RBFOX1: variants seen among roughly 807,000 people sequenced by gnomAD.
RBFOX1 encodes the protein RNA binding protein fox-1 homolog 1.
A neutral mutation model predicts 57.7 loss-of-function variants in RBFOX1; 8 were observed. The observed-to-expected ratio is 0.14, with a 90% CI of 0.08 to 0.25. The LOEUF is 0.25. RBFOX1 is among the 10% of genes least tolerant of loss of function. The pLI, the probability that RBFOX1 is intolerant of heterozygous loss-of-function variation, is 1.00. For missense variants in RBFOX1, 611 were observed against 548.5 expected, an observed-to-expected ratio of 1.11 and a Z score of -1.14; for synonymous variants, 326 against 222.4, an observed-to-expected ratio of 1.47 and a Z score of -4.15.
chr16:7,097,167 T>A (rs758329010), intron 4 of RBFOX1, among the ~76,000 whole-genome samples: 21 of 152,048 alleles, frequency 1.4e-4, no homozygotes, highest in Non-Finnish European at 2.5e-4. Flanking sequence ...CGAGCAAGAC[T>A]TTTCCAAGAA....
intron 11 of RBFOX1, 32 bp downstream of exon 11, chr16:7,630,715 G>A: frequency 1.2e-6 from 2 of 1,612,798 alleles, no homozygotes; most frequent in Middle Eastern, 1.7e-4. Flanking sequence ...TTTTTGTTTT[G>A]TGACATAAAT....
chr16:6,212,728 C>G (rs201467736), intron 1 of RBFOX1, among the ~76,000 whole-genome samples: 1 of 145,330 alleles, frequency 6.9e-6, no homozygotes, highest in Non-Finnish European at 1.6e-5. Context: ...AACAAACAAA[C>G]AAAAAAAAAA....
chr16:5,731,204 C>G (rs565718031), intron 3 of RBFOX1, among the ~76,000 whole-genome samples: 4 of 151,078 alleles, frequency 2.6e-5, no homozygotes, highest in African/African-American at 9.9e-5. Flanking sequence ...TCACCGTTAT[C>G]ATCAAGATCA....
At chr16:6,941,867 G>C (rs1256377399) in intron 3 of RBFOX1, among the ~76,000 whole-genome samples, 1 of 152,028 alleles carries the variant, frequency 6.6e-6, no homozygotes, top group Non-Finnish European at 1.5e-5. Flanking sequence ...AGTGCAGTAA[G>C]TGCAATCATA....
intron 1 of RBFOX1, among the ~76,000 whole-genome samples, chr16:5,410,033 G>T (rs1329783414): frequency 7.2e-6 from 1 of 139,246 alleles, no homozygotes. Context: ...GGGTGACAGA[G>T]CAAGACTCCA....
intron 4 of RBFOX1, among the ~76,000 whole-genome samples, chr16:7,495,332 C>T (rs569279509): frequency 5.3e-5 from 8 of 152,248 alleles, no homozygotes; most frequent in African/African-American, 1.9e-4. Flanking sequence ...GGGTATTTCC[C>T]CAGTCATGGG....
intron 5 of RBFOX1, among the ~76,000 whole-genome samples, chr16:7,578,942 G>A (rs1266928862): frequency 6.6e-6 from 1 of 152,168 alleles, no homozygotes; most frequent in African/African-American, 2.4e-5. Context: ...TTGGAAGACA[G>A]GGGAGGTGAA....
At chr16:5,519,757 G>A (rs557455190) in intron 2 of RBFOX1, among the ~76,000 whole-genome samples, 119 of 152,272 alleles carry the variant, frequency 7.8e-4, no homozygotes, top group African/African-American at 2.7e-3. Flanking sequence ...CTCTAGACCT[G>A]TTATTTATGG....
chr16:6,607,731 G>C (rs942539143), intron 2 of RBFOX1, among the ~76,000 whole-genome samples: 1 of 151,940 alleles, frequency 6.6e-6, no homozygotes, highest in African/African-American at 2.4e-5. Context: ...TTAGAATTTT[G>C]TGGTTTCCCC....
At chr16:5,863,892 T>C (rs1231305531) in intron 3 of RBFOX1, among the ~76,000 whole-genome samples, 2 of 152,198 alleles carry the variant, frequency 1.3e-5, no homozygotes, top group African/African-American at 4.8e-5. Flanking sequence ...GGTCTCTTTC[T>C]TTCCAATTTT....
intron 3 of RBFOX1, among the ~76,000 whole-genome samples, chr16:7,048,457 C>G (rs1385321868): frequency 6.6e-6 from 1 of 152,092 alleles, no homozygotes; most frequent in African/African-American, 2.4e-5. Flanking sequence ...GACAGGGTTT[C>G]ATCGTATTAG....
At chr16:7,395,448 G>A (rs1329818543) in intron 4 of RBFOX1, among the ~76,000 whole-genome samples, 1 of 152,204 alleles carries the variant, frequency 6.6e-6, no homozygotes, top group Admixed American at 6.5e-5. Context: ...CAGAAGTATT[G>A]GGGAAGCTAA....
chr16:6,773,720 ATG>A (rs770091403), intron 3 of RBFOX1: 2 of 71,992 alleles, frequency 2.8e-5, no homozygotes, highest in East Asian at 4.9e-4. Context: ...GTGTGTGTGT[ATG>A]TGTGGGTGTG....
At chr16:6,279,001 A>G (rs2076111566) in intron 1 of RBFOX1, among the ~76,000 whole-genome samples, 1 of 152,092 alleles carries the variant, frequency 6.6e-6, no homozygotes, top group Non-Finnish European at 1.5e-5. Flanking sequence ...CTAAAATTTT[A>G]TTAGACATTT....
chr16:6,650,709 C>A (rs1242418874), intron 2 of RBFOX1, among the ~76,000 whole-genome samples: 9 of 152,256 alleles, frequency 5.9e-5, no homozygotes, highest in African/African-American at 1.7e-4. Context: ...ATGATATTGT[C>A]TCTTTTTGTT....
chr16:5,477,174 C>T lies in RBFOX1; in HGVS notation c.258+9920C>T, dbSNP rs115844151. On this transcript the variant is annotated intron_variant, in intron 2 of 2. Coordinates refer to the RBFOX1 transcript ENST00000585867. ...CAAGCACAGGCGCATGCCACTACAT[C>T]CAGCTAATTTTAAAAATTATTTGTA... Among the ~76,000 whole-genome samples the T allele has an allele frequency of 8.8e-3, 1,337 of 152,264 alleles. 22 individuals carry two copies. Among genetic ancestry groups the T allele is most frequent in the African/African-American group, 0.03 (1,245 of 41,542 alleles).
chr16:6,912,162 G>T (rs979978591), intron 3 of RBFOX1, among the ~76,000 whole-genome samples: 2 of 152,150 alleles, frequency 1.3e-5, no homozygotes, highest in African/African-American at 4.8e-5. Context: ...ATGCCATAAA[G>T]AATGAGGTAA....
intron 4 of RBFOX1, among the ~76,000 whole-genome samples, chr16:7,413,593 C>T (rs980363548): frequency 3.3e-5 from 5 of 151,952 alleles, no homozygotes; most frequent in African/African-American, 9.7e-5. Flanking sequence ...TGCCACCCCC[C>T]TGCCCCCTGC....
intron 4 of RBFOX1, among the ~76,000 whole-genome samples, chr16:7,145,950 C>T (rs548794951): frequency 6.6e-6 from 1 of 152,284 alleles, no homozygotes; most frequent in African/African-American, 2.4e-5. Flanking sequence ...GTGCACCCTC[C>T]TTCACTACCT....
Sources: allele counts gnomAD v4.1 joint callset (sites outside exome capture counted in the v4.1 genomes callset), GRCh38; gene constraint gnomAD v4.1.1; transcripts MANE v1.5; gene names NCBI Gene and HGNC (gene_info 2026-07-23, HGNC 2026-07-21).